DNAH5: variants seen among roughly 807,000 people sequenced by gnomAD.
The protein encoded by DNAH5 is dynein axonemal heavy chain 5.
A neutral mutation model predicts 518.2 loss-of-function variants in DNAH5; 372 were observed. The observed-to-expected ratio is 0.72, with a 90% confidence interval of 0.66 to 0.78. The LOEUF is 0.78. Ranked by LOEUF, DNAH5 falls within the 30% of genes least tolerant of loss-of-function variation. The pLI, the probability that DNAH5 is intolerant of heterozygous loss-of-function variation, is 0.00. For synonymous variants in DNAH5, 2,039 were observed against 2,025.9 expected (o/e 1.01, Z -0.17); for missense variants, 5,523 against 5,687.0 (o/e 0.97, Z 0.93).
chr5:13,975,779 A>G (rs998005149), intron 1 of DNAH5, among the ~76,000 whole-genome samples: 3 of 152,180 alleles, frequency 2.0e-5, no homozygotes, highest in Non-Finnish European at 2.9e-5. Flanking sequence ...GTAGCTAAAA[A>G]CTACATTTCC....
intron 58 of DNAH5, among the ~76,000 whole-genome samples, chr5:13,766,630 C>T (rs1752549907): frequency 1.3e-5 from 2 of 152,166 alleles, no homozygotes; most frequent in South Asian, 2.1e-4. Flanking sequence ...TGGACTGACA[C>T]CAGAGGGTAG....
chr5:13,726,094 G>T (rs1017800456), intron 70 of DNAH5, among the ~76,000 whole-genome samples: 18 of 152,244 alleles, frequency 1.2e-4, no homozygotes, highest in Non-Finnish European at 1.8e-4. Context: ...ATAGCCTGAT[G>T]CTGCCTATGG....
Position 13,735,319 on chromosome 5 carries a change from G to A in DNAH5, c.11573C>T (p.Ser3858Phe). Residue 3858 changes from serine to phenylalanine, a missense_variant and splice_region_variant, in exon 68 of 79, where the codon TCT (serine) becomes TTT (phenylalanine). Physicochemically the swap from Ser to Phe is radical, Grantham distance 155 (BLOSUM62 -2). Around this residue, in one of 3 missense-constraint regions of DNAH5, gnomAD observed 5,121 missense variants for 5,223.3 expected, o/e 0.98. Transcript: ENST00000265104. ...CTTGCTTGTAATCGGGCTCTTGACA[G>A]ACCTGGTGAATAGAATATTTAAATC... is the stretch of plus-strand genomic sequence containing the variant. Reference protein sequence around the residue: ...LGLFDLSLARSVKSPITSKRI... With the variant: ...LGLFDLSLARFVKSPITSKRI... The A allele has an allele frequency of 6.2e-7, 1 of 1,613,866 alleles. No homozygotes were observed. Among genetic ancestry groups the A allele is most frequent in the Non-Finnish European group, 8.5e-7 (1 of 1,179,888 alleles).
At chr5:13,942,719 C>T (rs1419605984) in intron 1 of DNAH5, among the ~76,000 whole-genome samples, 1 of 152,086 alleles carries the variant, frequency 6.6e-6, no homozygotes, top group African/African-American at 2.4e-5. Flanking sequence ...GAATCCCCCT[C>T]CCCATTGATG....
intron 65 of DNAH5, among the ~76,000 whole-genome samples, chr5:13,740,064 A>G (rs1400450121): frequency 6.6e-6 from 1 of 151,968 alleles, no homozygotes; most frequent in Non-Finnish European, 1.5e-5. Flanking sequence ...TGGCAACACT[A>G]TTCTTCTAGA....
chr5:13,896,068 G>GT (rs1452607297), intron 15 of DNAH5, among the ~76,000 whole-genome samples: 1 of 151,916 alleles, frequency 6.6e-6, no homozygotes, highest in Non-Finnish European at 1.5e-5. Context: ...AATGATGGCA[G>GT]TAACTGTAAA....
At chr5:13,869,024 C>A (rs1360279624) in intron 24 of DNAH5, among the ~76,000 whole-genome samples, 3 of 152,150 alleles carry the variant, frequency 2.0e-5, no homozygotes, top group Non-Finnish European at 4.4e-5. Flanking sequence ...ATAGGATTGT[C>A]AGTTACTGTA....
At chr5:13,945,155 T>C (rs984084038), upstream of DNAH5, among the ~76,000 whole-genome samples, 1 of 152,272 alleles carries the variant, frequency 6.6e-6, no homozygotes, top group African/African-American at 2.4e-5. Flanking sequence ...TCAGCCAAGG[T>C]AATTTATCCT....
intron 76 of DNAH5, among the ~76,000 whole-genome samples, chr5:13,704,324 C>G (rs1742511413): frequency 6.6e-6 from 1 of 152,158 alleles, no homozygotes; most frequent in South Asian, 2.1e-4. Flanking sequence ...CCCACACTCT[C>G]TTGTGCTCCT....
intron 61 of DNAH5, 105 bp from the exon 62 acceptor site, chr5:13,754,443 A>T: frequency 7.9e-7 from 1 of 1,260,962 alleles, no homozygotes; most frequent in Non-Finnish European, 1.2e-6. Context: ...TTCCTGAGAC[A>T]TGTGAGCCAT....
chr5:13,797,985 A>G (rs1758085977), intron 47 of DNAH5, among the ~76,000 whole-genome samples: 1 of 143,948 alleles, frequency 6.9e-6, no homozygotes, highest in African/African-American at 2.5e-5. Context: ...GTTCTCACTC[A>G]TAGGTGGGAA....
intron 40 of DNAH5, among the ~76,000 whole-genome samples, chr5:13,821,952 A>T (rs781157976): frequency 6.6e-5 from 10 of 151,976 alleles, no homozygotes; most frequent in Non-Finnish European, 1.3e-4. Context: ...GCACCACTGC[A>T]CCAGGCTAAT....
rs934809318 is a variant in DNAH5, at chr5:13,881,106, C to T, written c.3262+1622G>A. On this transcript the variant is annotated intron_variant, in intron 21 of 78. Transcript: ENST00000265104. ...AAATTCTTCAAAATTATATTATAAT[C>T]GTAAATACATATACACCCAACATTG... Among the ~76,000 whole-genome samples, 15 of 151,934 alleles carry T rather than the reference C, an allele frequency of 9.9e-5. No individual in the cohort carries two copies. The South Asian group carries it at 1.9e-3, about 19-fold the overall frequency.
At chr5:13,739,983 C>A (rs943795913) in intron 65 of DNAH5, among the ~76,000 whole-genome samples, 2 of 152,120 alleles carry the variant, frequency 1.3e-5, no homozygotes, top group Admixed American at 6.6e-5. Context: ...CTACTTAGCA[C>A]CATCAGCAAA....
intron 66 of DNAH5, among the ~76,000 whole-genome samples, chr5:13,736,690 G>A (rs1183621346): frequency 6.6e-6 from 1 of 152,080 alleles, no homozygotes; most frequent in Non-Finnish European, 1.5e-5. Context: ...GCCTCCCAAA[G>A]TGCTGGGATT....
chr5:13,917,429 T>A (rs1776762961), intron 7 of DNAH5, among the ~76,000 whole-genome samples, 173 bp from the exon 8 acceptor site: 1 of 152,154 alleles, frequency 6.6e-6, no homozygotes, highest in African/African-American at 2.4e-5. Context: ...AATTTAAAAT[T>A]TTTGACTCAA....
chr5:13,928,089 G>A lies in DNAH5; in HGVS notation c.277+5C>T, dbSNP rs766088250. On this transcript the variant is annotated splice_donor_5th_base_variant and intron_variant, in intron 3 of 78. Coordinates refer to ENST00000265104, the MANE Select transcript of DNAH5 (RefSeq NM_001369.3). ...TCTGGGTTATGTCACATCAAATTCA[G>A]ATACCTGTTTCTGCTTCCTCCACAT... The A allele has an allele frequency of 3.0e-5, 48 of 1,610,486 alleles. No individual in the cohort carries two copies. The highest frequency in any genetic ancestry group is 4.1e-5 in the Non-Finnish European group (48 of 1,176,774).
intron 22 of DNAH5, among the ~76,000 whole-genome samples, chr5:13,875,353 G>C (rs1770732738): frequency 6.6e-6 from 1 of 150,954 alleles, no homozygotes; most frequent in Non-Finnish European, 1.5e-5. Context: ...TCTAATCCCA[G>C]CTACTCAGGA....
chr5:13,839,582 T>C (rs1016786595), intron 34 of DNAH5, 54 bp from the exon 35 acceptor site: 3 of 1,434,696 alleles, frequency 2.1e-6, no homozygotes, highest in Non-Finnish European at 2.9e-6. Flanking sequence ...TCATTAAATA[T>C]ACACGTTATT....
Sources: allele counts gnomAD v4.1 joint callset (sites outside exome capture counted in the v4.1 genomes callset), GRCh38; gene constraint gnomAD v4.1.1; regional missense constraint gnomAD v4.1.1; transcripts MANE v1.5; gene names NCBI Gene and HGNC (gene_info 2026-07-23, HGNC 2026-07-21).